Variants in KCNIP4 observed in about 807,000 individuals in gnomAD.
KCNIP4 encodes potassium voltage-gated channel interacting protein 4.
A neutral mutation model predicts 34.0 loss-of-function variants in KCNIP4; 12 were observed. That is an observed-to-expected ratio of 0.35 (90% confidence interval 0.23 to 0.57). KCNIP4 has a LOEUF of 0.57. Ranked by LOEUF, KCNIP4 falls within the 20% of genes least tolerant of loss-of-function variation. The pLI is 0.83. For missense variants in KCNIP4, 238 were observed against 311.7 expected (o/e 0.76, Z 1.78); for synonymous variants, 124 against 102.2 (o/e 1.21, Z -1.29).
At chr4:20,732,251 T>A (rs1208793636) in intron 7 of KCNIP4, among the ~76,000 whole-genome samples, 183 bp from the exon 8 acceptor site, 3 of 152,232 alleles carry the variant, frequency 2.0e-5, no homozygotes, top group Admixed American at 1.3e-4. Context: ...CAAATGCTTC[T>A]GGCTTTTCCC....
At chr4:21,840,813 A>C (rs1723629785) in intron 1 of KCNIP4, among the ~76,000 whole-genome samples, 2 of 152,206 alleles carry the variant, frequency 1.3e-5, no homozygotes. Flanking sequence ...CCAGACCTGC[A>C]TAAAGGCTCT....
At chr4:21,322,509 T>C (rs957639038) in intron 1 of KCNIP4, among the ~76,000 whole-genome samples, 2 of 152,086 alleles carry the variant, frequency 1.3e-5, no homozygotes, top group Non-Finnish European at 2.9e-5. Flanking sequence ...TGGCACACAT[T>C]CTCCCCTAAA....
At chr4:21,397,673 G>T (rs1419199235) in intron 1 of KCNIP4, among the ~76,000 whole-genome samples, 1 of 152,090 alleles carries the variant, frequency 6.6e-6, no homozygotes, top group Non-Finnish European at 1.5e-5. Flanking sequence ...GCTTCTGCCT[G>T]ATCCAATGAT....
chr4:21,495,705 T>G (rs1732794681), intron 1 of KCNIP4, among the ~76,000 whole-genome samples: 2 of 152,276 alleles, frequency 1.3e-5, no homozygotes, highest in Non-Finnish European at 1.5e-5. Context: ...TTGTTACCCC[T>G]GGAGGCTGCT....
chr4:21,631,103 G>T (rs116417318), intron 1 of KCNIP4, among the ~76,000 whole-genome samples: 114 of 152,170 alleles, frequency 7.5e-4, no homozygotes, highest in Non-Finnish European at 1.4e-3. Flanking sequence ...TGCTTCTCTT[G>T]TTGCTCACAA....
chr4:21,701,182 C>T (rs959743646), intron 1 of KCNIP4, among the ~76,000 whole-genome samples: 1 of 152,072 alleles, frequency 6.6e-6, no homozygotes, highest in Non-Finnish European at 1.5e-5. Flanking sequence ...TATGATCTCA[C>T]TTATATGTGG....
intron 1 of KCNIP4, among the ~76,000 whole-genome samples, chr4:21,023,259 C>T (rs1211985829): frequency 2.6e-5 from 4 of 151,954 alleles, no homozygotes; most frequent in Non-Finnish European, 4.4e-5. Context: ...ATGACAACAA[C>T]GTTTCAGCAA....
At chr4:21,069,270 A>AT (rs904239147) in intron 1 of KCNIP4, among the ~76,000 whole-genome samples, 10 of 151,620 alleles carry the variant, frequency 6.6e-5, no homozygotes, top group Non-Finnish European at 1.5e-4. Flanking sequence ...TCACCTCTAT[A>AT]TTTTTGTGCT....
intron 1 of KCNIP4, among the ~76,000 whole-genome samples, chr4:20,953,629 C>G (rs1733009729): frequency 6.6e-6 from 1 of 152,116 alleles, no homozygotes; most frequent in Admixed American, 6.5e-5. Flanking sequence ...TTGCAGGGAG[C>G]TGAGATCGCA....
In KCNIP4 at chr4:21,576,268, C is replaced by T. The variant is rs185824748; in HGVS notation, c.61+372303G>A. 5.9e-5 allele frequency among the ~76,000 whole-genome samples: 9 copies of T among 152,236 alleles called. No individual in the cohort carries two copies. In the East Asian group the frequency reaches 1.7e-3, roughly 29 times the overall value. The stretch of plus-strand genomic sequence containing the variant: ...TAAGAAATCAACTGATTTAAGACTG[C>T]TTCACATAAAGCATCTTTTATGGGG... On this transcript the variant is annotated intron_variant, in intron 1 of 8. Coordinates refer to ENST00000382152, the MANE Select transcript of KCNIP4 (RefSeq NM_025221.6).
Position 20,868,152 on chromosome 4 carries a change from T to G in KCNIP4, c.163+14456A>C, listed in dbSNP as rs551880925. Among the ~76,000 whole-genome samples, 48 of 151,970 alleles carry G rather than the reference T, an allele frequency of 3.2e-4. No individual in the cohort carries two copies. The South Asian group carries it at 7.5e-3, about 24-fold the overall frequency. ...CAGTAGGGAACTTAAATCAACAAGC[T>G]AAAACCAAATAACCCCCTTTAAAAA... On this transcript the variant is annotated intron_variant, in intron 2 of 8. Coordinates refer to ENST00000382152, the MANE Select transcript of KCNIP4 (RefSeq NM_025221.6).
At chr4:21,341,110 G>A (rs1716720628) in intron 1 of KCNIP4, among the ~76,000 whole-genome samples, 1 of 152,102 alleles carries the variant, frequency 6.6e-6, no homozygotes, top group African/African-American at 2.4e-5. Flanking sequence ...AGATTTTGGA[G>A]TAAGTGACAA....
intron 1 of KCNIP4, among the ~76,000 whole-genome samples, chr4:21,093,875 G>A (rs1747223133): frequency 6.6e-6 from 1 of 152,256 alleles, no homozygotes; most frequent in South Asian, 2.1e-4. Flanking sequence ...AAGGTGAGGA[G>A]ATCGAGACCA....
chr4:21,556,994 G>A (rs886226176), intron 1 of KCNIP4, among the ~76,000 whole-genome samples: 1 of 146,790 alleles, frequency 6.8e-6, no homozygotes, highest in African/African-American at 2.5e-5. Context: ...ATATAAAAAT[G>A]TTGTTAAAGA....
intron 1 of KCNIP4, among the ~76,000 whole-genome samples, chr4:21,439,705 G>T (rs28378762): frequency 0.01 from 1,575 of 152,186 alleles, 28 homozygotes; most frequent in African/African-American, 0.036. Context: ...GGATGCTATG[G>T]CTGGAATCGA....
At chr4:21,904,792 C>T (rs1038540175) in intron 1 of KCNIP4, among the ~76,000 whole-genome samples, 2 of 152,104 alleles carry the variant, frequency 1.3e-5, no homozygotes, top group Admixed American at 1.3e-4. Flanking sequence ...TGACAAGCCT[C>T]CATCCAATAG....
intron 1 of KCNIP4, among the ~76,000 whole-genome samples, chr4:20,907,808 C>T (rs558915430): frequency 6.7e-6 from 1 of 149,948 alleles, no homozygotes; most frequent in African/African-American, 2.4e-5. Flanking sequence ...AGCTCCGCCT[C>T]CCGGGTTCAC....
chr4:21,837,710 T>C (rs1371499717), intron 1 of KCNIP4, among the ~76,000 whole-genome samples: 1 of 151,988 alleles, frequency 6.6e-6, no homozygotes, highest in African/African-American at 2.4e-5. Context: ...TCCATGAAGT[T>C]GTTCAAAATG....
intron 1 of KCNIP4, among the ~76,000 whole-genome samples, chr4:21,616,204 T>A (rs989390701): frequency 6.6e-6 from 1 of 152,118 alleles, no homozygotes; most frequent in Non-Finnish European, 1.5e-5. Context: ...CCCTGAAGTG[T>A]TCTTCCTCTA....
Sources: allele counts gnomAD v4.1 joint callset (sites outside exome capture counted in the v4.1 genomes callset), GRCh38; gene constraint gnomAD v4.1.1; transcripts MANE v1.5; gene names NCBI Gene and HGNC (gene_info 2026-07-23, HGNC 2026-07-21).